Variants in KDM4B observed in about 807,000 individuals in gnomAD.
KDM4B encodes lysine demethylase 4B, also known as lysine-specific demethylase 4B.
KDM4B carries 32 observed loss-of-function variants against 125.2 expected under a neutral mutation model. That is an observed-to-expected ratio of 0.26 (90% CI 0.19 to 0.34). KDM4B has a LOEUF of 0.34. Ranked by LOEUF, KDM4B falls within the 10% of genes least tolerant of loss-of-function variation. The pLI, the probability that KDM4B is intolerant of heterozygous loss-of-function variation, is 1.00. For missense variants in KDM4B, 1,190 were observed against 1,577.7 expected, an observed-to-expected ratio of 0.75 and a Z score of 4.16; for synonymous variants, 721 against 677.9, an observed-to-expected ratio of 1.06 and a Z score of -0.99.
chr19:5,040,106 C>A, intron 4 of KDM4B, 95 bp downstream of exon 4: 2 of 1,313,730 alleles, frequency 1.5e-6, no homozygotes, highest in Non-Finnish European at 2.1e-6. Context: ...GTACACGCAG[C>A]CCCCACAGCA....
chr19:5,022,004 C>T (rs977423633), intron 2 of KDM4B, among the ~76,000 whole-genome samples: 5 of 152,168 alleles, frequency 3.3e-5, no homozygotes, highest in Non-Finnish European at 5.9e-5. Flanking sequence ...GGCCCCCAAG[C>T]AGGGGCAATG....
intron 7 of KDM4B, among the ~76,000 whole-genome samples, chr19:5,072,288 G>A (rs1255122638): frequency 6.6e-6 from 1 of 152,224 alleles, no homozygotes; most frequent in Non-Finnish European, 1.5e-5. Context: ...TCACGTGGCT[G>A]TGCAGGAAAT....
chr19:4,972,525 C>T (rs775072143), intron 1 of KDM4B, among the ~76,000 whole-genome samples: 1 of 152,122 alleles, frequency 6.6e-6, no homozygotes, highest in African/African-American at 2.4e-5. Flanking sequence ...TCCTGGGCAC[C>T]GTAGGGTGAG....
At chr19:4,977,550 G>A (rs894447152) in intron 1 of KDM4B, among the ~76,000 whole-genome samples, 2 of 152,184 alleles carry the variant, frequency 1.3e-5, no homozygotes, top group South Asian at 4.1e-4. Flanking sequence ...GTGGCGGTGG[G>A]CCTGTTTGCG....
rs58219404 is a variant in KDM4B, at chr19:5,035,880, T to TGTGTGTGTGTGTGTGTGTGTGC, written c.141+2850_141+2851insTGTGTGTGTGTGTGTGTGTGCG. Among the ~76,000 whole-genome samples, 79 of 136,500 alleles carry TGTGTGTGTGTGTGTGTGTGTGC rather than the reference T, an allele frequency of 5.8e-4. No homozygotes were observed. The highest frequency in any genetic ancestry group is 1.9e-3 in the African/African-American group (71 of 37,902). 89.5% of individuals were successfully genotyped at this position (136,500 alleles called of 152,430 possible). ...ACGTGTCTCTGTGTGTGTGTGTGTG[T>TGTGTGTGTGTGTGTGTGTGTGC]GCGCGCGCGCGCGCGCCTGCGCGCA... On this transcript the variant is annotated intron_variant, in intron 3 of 22. Coordinates refer to ENST00000159111, the MANE Select transcript of KDM4B (RefSeq NM_015015.3). The surrounding 1 kb of genome is among the most constrained non-coding windows in gnomAD (Gnocchi z 5.3).
chr19:5,054,494 G>A (rs908185907), intron 6 of KDM4B, among the ~76,000 whole-genome samples: 18 of 148,944 alleles, frequency 1.2e-4, no homozygotes, highest in Middle Eastern at 3.5e-3. Context: ...GTGTGTGCGC[G>A]CGCATGCACA....
intron 9 of KDM4B, among the ~76,000 whole-genome samples, chr19:5,086,714 C>T (rs1186463042): frequency 6.6e-6 from 1 of 152,226 alleles, no homozygotes; most frequent in African/African-American, 2.4e-5. Context: ...CCCCCACCGC[C>T]TCACCACACC....
At chr19:4,990,668 T>C (rs1197552254) in intron 1 of KDM4B, among the ~76,000 whole-genome samples, 1 of 152,212 alleles carries the variant, frequency 6.6e-6, no homozygotes, top group Non-Finnish European at 1.5e-5. Flanking sequence ...ACTGAACTAG[T>C]TCTGGTCGCC....
At chr19:5,040,046 C>T (rs575171945) in intron 4 of KDM4B, 35 bp downstream of exon 4, 11 of 1,574,422 alleles carry the variant, frequency 7.0e-6, no homozygotes, top group South Asian at 2.3e-5. Context: ...CTGACCCCCG[C>T]CCCCGGGGGC....
In KDM4B at chr19:5,003,506, CAAAT is replaced by C. The variant is rs368354950; in HGVS notation, c.-108-12742_-108-12739del. 1.2e-3 allele frequency among the ~76,000 whole-genome samples: 153 copies of C among 123,986 alleles called. 1 individual carries two copies. The highest frequency in any genetic ancestry group is 3.7e-3 in the African/African-American group (122 of 32,954). 81.3% of individuals were successfully genotyped at this position (123,986 alleles called of 152,430 possible). On this transcript the variant is annotated intron_variant, in intron 1 of 22. Transcript: ENST00000159111. Reference sequence around the variant, plus strand: ...CAAAATAAACAAACAAACAAACAAACAAATAAATAAATCCCTGCTTGGCCAGGTG... The same window carrying C: ...CAAAATAAACAAACAAACAAACAAACAAATAAATCCCTGCTTGGCCAGGTG...
At chr19:5,123,581 C>G (rs1426246768) in intron 11 of KDM4B, among the ~76,000 whole-genome samples, 1 of 152,282 alleles carries the variant, frequency 6.6e-6, no homozygotes, top group Non-Finnish European at 1.5e-5. Context: ...AGCACAGGGA[C>G]TCAGCTCTGC....
In KDM4B at chr19:5,144,318, G is replaced by C; in HGVS notation, c.2807G>C (p.Arg936Pro). The C allele has an allele frequency of 6.3e-7, 1 of 1,585,604 alleles. No individual in the cohort carries two copies. Among genetic ancestry groups the C allele is most frequent in the Non-Finnish European group, 8.6e-7 (1 of 1,166,322 alleles). Residue 936 changes from arginine to proline, a missense_variant, in exon 20 of 23, where the codon CGC becomes CCC. Coordinates refer to ENST00000159111, the MANE Select transcript of KDM4B (RefSeq NM_015015.3). ...ITKNRNGLYYRCRVIGAASQT... is the reference protein window; with the variant it reads ...ITKNRNGLYYPCRVIGAASQT... ...AAGAACCGCAACGGGCTGTACTACC[G>C]CTGTCGCGTCATCGGTGCCGCCTCG...
At chr19:5,147,165 T>C (rs2039866764) in intron 21 of KDM4B, among the ~76,000 whole-genome samples, 1 of 152,078 alleles carries the variant, frequency 6.6e-6, no homozygotes, top group Admixed American at 6.6e-5. Context: ...AGGCTGAGCA[T>C]GTGCCAGTCT....
intron 5 of KDM4B, among the ~76,000 whole-genome samples, chr19:5,042,538 T>G (rs2036852822): frequency 6.7e-6 from 1 of 150,106 alleles, no homozygotes; most frequent in African/African-American, 2.4e-5. Context: ...CACCTGAGAC[T>G]GGGTAGTGAA....
At position 5,144,850 on chromosome 19, in the gene KDM4B, G is replaced by A. The variant is rs1265396378; in HGVS notation, c.2969G>A (p.Gly990Asp). The change falls in exon 21 of 23, where the codon GGC becomes GAC. Residue 990 changes from glycine (G) to aspartate (D), a missense_variant. Coordinates refer to ENST00000159111, the MANE Select transcript of KDM4B (RefSeq NM_015015.3). ...CTGGTGGAGCTCCGGTGGACTGACG[G>A]CAACCTCTACAAGGCCAAGTTCATC... The part of the protein sequence containing the change: ...GELVELRWTD[G>D]NLYKAKFISS... 2 of 1,612,828 alleles carry A rather than the reference G, an allele frequency of 1.2e-6. No homozygotes were observed. The highest frequency in any genetic ancestry group is 1.3e-5 in the African/African-American group (1 of 74,848).
intron 6 of KDM4B, among the ~76,000 whole-genome samples, chr19:5,049,678 G>A (rs2037156813): frequency 6.6e-6 from 1 of 152,026 alleles, no homozygotes; most frequent in South Asian, 2.1e-4. Flanking sequence ...ATGTTCCCAC[G>A]ACACCCCATG....
At chr19:5,123,146 G>A (rs191549938) in intron 11 of KDM4B, among the ~76,000 whole-genome samples, 43 of 152,374 alleles carry the variant, frequency 2.8e-4, no homozygotes, top group African/African-American at 9.4e-4. Flanking sequence ...AGGCATGAGC[G>A]CTGGAGGCCA....
intron 10 of KDM4B, among the ~76,000 whole-genome samples, chr19:5,117,279 G>T (rs905879485): frequency 6.6e-6 from 1 of 151,774 alleles, no homozygotes; most frequent in African/African-American, 2.4e-5. Flanking sequence ...TGCAGCAGGG[G>T]AGGGCCATGG....
chr19:5,085,000 C>G (rs1458531226), intron 9 of KDM4B, among the ~76,000 whole-genome samples: 1 of 152,148 alleles, frequency 6.6e-6, no homozygotes, highest in Non-Finnish European at 1.5e-5. Context: ...GCCACCACAG[C>G]ACACCACCTC....
Sources: gnomAD v4.1 joint callset for allele counts (sites outside exome capture counted in the v4.1 genomes callset) on GRCh38, gnomAD v4.1.1 for gene constraint, Gnocchi (gnomAD v3.1) non-coding constraint, MANE v1.5 for transcripts, NCBI Gene and HGNC (gene_info 2026-07-23, HGNC 2026-07-21) for gene names.